Variants in GADD45G observed in about 807,000 individuals in gnomAD.
GADD45G encodes the protein growth arrest and DNA damage inducible gamma.
A neutral mutation model predicts 17.3 loss-of-function variants in GADD45G; 7 were observed. The observed-to-expected ratio is 0.41, with a 90% CI of 0.23 to 0.76. The LOEUF (loss-of-function observed/expected upper bound fraction) is 0.76, where lower values mean the gene tolerates loss of function less well. Among genes scored for constraint, GADD45G ranks in the 30% least tolerant of loss-of-function variants. GADD45G has a pLI of 0.34. For missense variants in GADD45G, 149 were observed against 219.2 expected (o/e 0.68, Z 2.02); for synonymous variants, 93 against 94.9 (o/e 0.98, Z 0.12).
rs1827504474 is a variant in GADD45G, at chr9:89,605,379, T to C, written c.54-53T>C. Reference sequence around the variant, plus strand: ...TGTGTGCCGGTGGCCGGGGCTGGGGTCTCCGCCGCGCCCTCCGGCCGGCTC... The same window carrying C: ...TGTGTGCCGGTGGCCGGGGCTGGGGCCTCCGCCGCGCCCTCCGGCCGGCTC... On this transcript the variant is annotated intron_variant, in intron 1 of 3. Transcript: ENST00000252506. 5 of 1,351,824 alleles carry C rather than the reference T, an allele frequency of 3.7e-6. 1 individual carries two copies. Among genetic ancestry groups the C allele is most frequent in the African/African-American group, 1.4e-5 (1 of 69,098 alleles). 83.7% of individuals were successfully genotyped at this position (1,351,824 alleles called of 1,614,324 possible). A position where few individuals can be genotyped will look rare whatever the true frequency, so the allele number is the denominator to read the frequency against.
intron 1 of GADD45G, 28 bp from the exon 2 acceptor site, chr9:89,605,404 C>T (rs753177392): frequency 5.3e-6 from 8 of 1,515,148 alleles, no homozygotes; most frequent in South Asian, 1.2e-5. Flanking sequence ...CCGGCCGGCT[C>T]CCGCTCACTG....
chr9:89,605,211 C>T, intron 1 of GADD45G, 37 bp downstream of exon 1: 1 of 1,589,096 alleles, frequency 6.3e-7, no homozygotes, highest in African/African-American at 1.3e-5. Context: ...GCTGGTCGGT[C>T]GGCGACCGTC....
At position 89,606,428 on chromosome 9, in the gene GADD45G, C is replaced by T. The variant is rs1827529172; in HGVS notation, c.*349C>T. ...AAGGAGCGGCGCCCTGGACTTGGTA[C>T]AGTTGCAGGAGCGTGAAGGACTTAG... On this transcript the variant is annotated 3_prime_UTR_variant, in exon 4 of 4. Coordinates refer to ENST00000252506, the MANE Select transcript of GADD45G (RefSeq NM_006705.4). 5.6e-6 allele frequency: 2 copies of T among 359,754 alleles called. No homozygotes were observed. The highest frequency in any genetic ancestry group is 1.0e-5 in the Non-Finnish European group (2 of 195,680). 22.3% of individuals were successfully genotyped at this position (359,754 alleles called of 1,614,324 possible). A position where few individuals can be genotyped will look rare whatever the true frequency, so the allele number is the denominator to read the frequency against.
chr9:89,605,318 G>T (rs1588253318), intron 1 of GADD45G, 114 bp from the exon 2 acceptor site: 2 of 1,102,384 alleles, frequency 1.8e-6, no homozygotes, highest in South Asian at 2.7e-5. Context: ...GCGCTGAGCC[G>T]GGATTGGAGT....
At chr9:89,605,364 T>A in intron 1 of GADD45G, 68 bp from the exon 2 acceptor site, 1 of 1,221,362 alleles carries the variant, frequency 8.2e-7, no homozygotes, top group Non-Finnish European at 1.2e-6. Flanking sequence ...TGTGTGCCGG[T>A]GGCCGGGGCT....
chr9:89,605,842 G>A lies in GADD45G; in HGVS notation c.331G>A (p.Ala111Thr), dbSNP rs1412993299. The change falls in exon 3 of 4, where the codon GCG (alanine) becomes ACG (threonine). Residue 111 changes from alanine to threonine, a missense_variant. This residue lies in a region of GADD45G where 73 missense variants were observed against 84.3 expected (regional missense o/e 0.87). Coordinates refer to ENST00000252506, the MANE Select transcript of GADD45G (RefSeq NM_006705.4). ...GGCTATCGTGGGCGCCGGCGAGGAG[G>A]CGGGTGCGCCGGGCGACCTGCACTG... ...LAAIVGAGEE[A>T]GAPGDLHCIL... is the part of the protein sequence containing the mutation. 1 of 1,612,920 alleles carries A rather than the reference G, an allele frequency of 6.2e-7. No individual in the cohort carries two copies. Among genetic ancestry groups the A allele is most frequent in the Admixed American group, 1.7e-5 (1 of 59,966 alleles).
chr9:89,605,360 C>T, intron 1 of GADD45G, 72 bp from the exon 2 acceptor site: 3 of 1,198,416 alleles, frequency 2.5e-6, no homozygotes, highest in Non-Finnish European at 3.6e-6. Context: ...AGGGTGTGTG[C>T]CGGTGGCCGG....
chr9:89,606,195 A>T lies in GADD45G; in HGVS notation c.*116A>T, dbSNP rs1164221056. On this transcript the variant is annotated 3_prime_UTR_variant, in exon 4 of 4. Coordinates refer to ENST00000252506, the MANE Select transcript of GADD45G (RefSeq NM_006705.4). ...GCCCGAGTGCGGCGTGGAGACTGGC[A>T]GGCGGGGGGGGCGCCTGGAGAGCGA... 4 of 768,254 alleles carry T rather than the reference A, an allele frequency of 5.2e-6. No individual in the cohort carries two copies. The allele number at this position is 768,254 out of a possible 1,614,324, so 47.6% of individuals were successfully genotyped here.
Position 89,606,122 on chromosome 9 carries a change from C to T in GADD45G, c.*43C>T, listed in dbSNP as rs1280688570. ...TGGTCTGATCGACGTGGTGACGCCC[C>T]GGGGCGCCTAGAGCGCGGCTGGCTC... On this transcript the variant is annotated 3_prime_UTR_variant, in exon 4 of 4. Transcript: ENST00000252506. 13 of 1,457,066 alleles carry T rather than the reference C, an allele frequency of 8.9e-6. 1 individual carries two copies. The Admixed American group carries it at 1.9e-4, about 21-fold the overall frequency. 90.3% of individuals were successfully genotyped at this position (1,457,066 alleles called of 1,614,324 possible). A position where few individuals can be genotyped will look rare whatever the true frequency, so the allele number is the denominator to read the frequency against.
Position 89,606,163 on chromosome 9 carries a change from C to T in GADD45G, c.*84C>T, listed in dbSNP as rs1050123751. On this transcript the variant is annotated 3_prime_UTR_variant, in exon 4 of 4. Transcript: ENST00000252506. ...CGGCTGGCTCTGTGGAGGGGCCCTC[C>T]GAGGGTGCCCGAGTGCGGCGTGGAG... 5.2e-5 allele frequency: 51 copies of T among 980,352 alleles called. No homozygotes were observed. The highest frequency in any genetic ancestry group is 7.9e-5 in the Non-Finnish European group (50 of 635,084). 60.7% of individuals were successfully genotyped at this position (980,352 alleles called of 1,614,324 possible).
In GADD45G at chr9:89,605,037, T is replaced by C. The variant is rs978131015; in HGVS notation, c.-85T>C. 3 of 1,083,592 alleles carry C rather than the reference T, an allele frequency of 2.8e-6. No homozygotes were observed. The African/African-American group carries it at 4.7e-5, about 17-fold the overall frequency. The allele number at this position is 1,083,592 out of a possible 1,614,324, so 67.1% of individuals were successfully genotyped here. On this transcript the variant is annotated 5_prime_UTR_variant, in exon 1 of 4. Transcript: ENST00000252506. ...GCACTCGCTGGTGGTGGGCGCGCCGTGCTGAGCTCTGGCTGTCAGTGTGTT... is the reference window on the plus strand; with the variant it reads ...GCACTCGCTGGTGGTGGGCGCGCCGCGCTGAGCTCTGGCTGTCAGTGTGTT...
Position 89,605,731 on chromosome 9 carries a change from C to T in GADD45G, c.220C>T (p.Leu74=). Residue 74 remains leucine (L), a synonymous_variant, in exon 3 of 4, where the codon CTG becomes TTG. Transcript: ENST00000252506. ...AGEEDEGDIA[L]QIHFTLIQAF... ...TGAGGAGGACGAGGGCGACATCGCG[C>T]TGCAGATCCATTTTACGCTGATCCA... 6.2e-7 allele frequency: 1 copy of T among 1,614,108 alleles called. No individual in the cohort carries two copies. The highest frequency in any genetic ancestry group is 8.5e-7 in the Non-Finnish European group (1 of 1,180,008).
chr9:89,605,173 A>C lies in GADD45G; in HGVS notation c.52A>C (p.Arg18=). The change falls in exon 1 of 4, where the codon AGG becomes CGG. Residue 18 remains arginine (R), a splice_region_variant and synonymous_variant. Transcript: ENST00000252506. ...GGACACAGTTCCGGAAAGCACAGCC[A>C]GGTGGGTTTCAGGGCGCTGAGAAAG... ...GQDTVPESTA[R]MQGAGKALHE... 1 of 1,613,498 alleles carries C rather than the reference A, an allele frequency of 6.2e-7. No homozygotes were observed. The highest frequency in any genetic ancestry group is 8.5e-7 in the Non-Finnish European group (1 of 1,179,496).
rs1015755680 is a variant in GADD45G, at chr9:89,606,248, C to G, written c.*169C>G. ...AGGCGCGGCCTCCCGAGGAGGGGCC[C>G]GGTGGCGGCAGGGCCAGGCTGGTCC... On this transcript the variant is annotated 3_prime_UTR_variant, in exon 4 of 4. Transcript: ENST00000252506. The G allele has an allele frequency of 1.4e-4, 90 of 624,354 alleles. No individual in the cohort carries two copies. Among genetic ancestry groups the G allele is most frequent in the Admixed American group, 1.4e-4 (5 of 34,732 alleles). 38.7% of individuals were successfully genotyped at this position (624,354 alleles called of 1,614,324 possible).
intron 2 of GADD45G, 51 bp downstream of exon 2, chr9:89,605,584 G>A: frequency 4.5e-6 from 7 of 1,561,064 alleles, no homozygotes; most frequent in Non-Finnish European, 6.1e-6. Flanking sequence ...GGTGAATGGC[G>A]AGGAGACTGG....
Position 89,605,448 on chromosome 9 carries a change from A to C in GADD45G, c.70A>C (p.Lys24Gln). The C allele has an allele frequency of 1.9e-6, 3 of 1,556,224 alleles. No individual in the cohort carries two copies. The highest frequency in any genetic ancestry group is 2.6e-6 in the Non-Finnish European group (3 of 1,150,048). The change falls in exon 2 of 4, where the codon AAA becomes CAA. Residue 24 changes from lysine to glutamine, a missense_variant. Transcript: ENST00000252506. Reference protein sequence around the residue: ...ESTARMQGAGKALHELLLSAQ... With the variant: ...ESTARMQGAGQALHELLLSAQ... Reference sequence around the variant, plus strand: ...CCTCCGCAGGATGCAGGGTGCCGGGAAAGCGCTGCATGAGTTGCTGCTGTC... The same window carrying C: ...CCTCCGCAGGATGCAGGGTGCCGGGCAAGCGCTGCATGAGTTGCTGCTGTC...
At position 89,606,384 on chromosome 9, in the gene GADD45G, G is replaced by A; in HGVS notation, c.*305G>A. On this transcript the variant is annotated 3_prime_UTR_variant, in exon 4 of 4. Transcript: ENST00000252506. ...AGACTGGCCGGGCAGGCGTGACTCAGCAGCCTGCGCTCGGCAGGAAGGAGC... is the reference window on the plus strand; with the variant it reads ...AGACTGGCCGGGCAGGCGTGACTCAACAGCCTGCGCTCGGCAGGAAGGAGC... The A allele has an allele frequency of 2.3e-6, 1 of 440,576 alleles. No homozygotes were observed. The highest frequency in any genetic ancestry group is 3.7e-5 in the Admixed American group (1 of 27,058). 27.3% of individuals were successfully genotyped at this position (440,576 alleles called of 1,614,324 possible). A position where few individuals can be genotyped will look rare whatever the true frequency, so the allele number is the denominator to read the frequency against.
intron 1 of GADD45G, 123 bp downstream of exon 1, chr9:89,605,297 C>A: frequency 9.0e-7 from 1 of 1,116,666 alleles, no homozygotes; most frequent in Non-Finnish European, 1.3e-6. Flanking sequence ...GGTTGGAGAG[C>A]CGGGGTGCAG....
At position 89,606,005 on chromosome 9, in the gene GADD45G, G is replaced by A. The variant is rs759732445; in HGVS notation, c.406G>A (p.Glu136Lys). ...GGACGCCTGGAAGGATCCCGCCTTG[G>A]AGAAGCTCAGCCTGTTTTGCGAGGA... ...NEDAWKDPAL[E>K]KLSLFCEESR... Residue 136 changes from glutamate (E) to lysine (K), a missense_variant, in exon 4 of 4, where the codon GAG becomes AAG. Transcript: ENST00000252506. 1 of 1,613,804 alleles carries A rather than the reference G, an allele frequency of 6.2e-7. No homozygotes were observed. The highest frequency in any genetic ancestry group is 2.2e-5 in the East Asian group (1 of 44,880).
Sources: allele counts gnomAD v4.1 joint callset, GRCh38; gene constraint gnomAD v4.1.1; regional missense constraint gnomAD v4.1.1; transcripts MANE v1.5; gene names NCBI Gene and HGNC (gene_info 2026-07-23, HGNC 2026-07-21).